Variants in MTSS2 observed in about 807,000 individuals in gnomAD.
MTSS2 encodes protein MTSS 2.
MTSS2 carries 27 observed loss-of-function variants against 67.1 expected under a neutral mutation model. The ratio of observed to expected loss-of-function variants is 0.40; its 90% CI spans 0.30 to 0.55. The LOEUF (loss-of-function observed/expected upper bound fraction) is 0.55, where lower values mean the gene tolerates loss of function less well. MTSS2 is among the 20% of genes least tolerant of loss of function. The probability of loss-of-function intolerance (pLI) is 0.43; values close to 1 mark genes in which losing one functional copy is unlikely to be tolerated. For synonymous variants in MTSS2, 624 were observed against 468.6 expected, an observed-to-expected ratio of 1.33 and a Z score of -4.28; for missense variants, 1,171 against 1,067.8, an observed-to-expected ratio of 1.10 and a Z score of -1.35.
intron 1 of MTSS2, among the ~76,000 whole-genome samples, chr16:70,685,344 G>A (rs1349551847): frequency 6.6e-6 from 1 of 152,190 alleles, no homozygotes; most frequent in Non-Finnish European, 1.5e-5. Flanking sequence ...GGGGCCGTGG[G>A]GGAACATGGT....
chr16:70,682,139 G>C (rs1019183941), intron 1 of MTSS2, among the ~76,000 whole-genome samples: 3 of 152,174 alleles, frequency 2.0e-5, no homozygotes, highest in Non-Finnish European at 4.4e-5. Flanking sequence ...GGGCGGCTTA[G>C]GGGGCCTCAG....
rs184191788 is a variant in MTSS2 at position 70,682,132 on chromosome 16, C to G, written c.70-1107G>C. On this transcript the variant is annotated intron_variant, in intron 1 of 14. Coordinates refer to ENST00000338779, the MANE Select transcript of MTSS2 (RefSeq NM_138383.3). Reference sequence around the variant, plus strand: ...TTGCAGGGGTGGGAAGGAGACAGGGCGGCTTAGGGGGCCTCAGAATCTCCC... The same window carrying G: ...TTGCAGGGGTGGGAAGGAGACAGGGGGGCTTAGGGGGCCTCAGAATCTCCC... 5.1e-3 allele frequency among the ~76,000 whole-genome samples: 775 copies of G among 152,302 alleles called. 10 individuals carry two copies. Among genetic ancestry groups the G allele is most frequent in the African/African-American group, 0.018 (736 of 41,582 alleles).
At chr16:70,674,873 G>A (rs2053064634) in intron 10 of MTSS2, among the ~76,000 whole-genome samples, 2 of 152,192 alleles carry the variant, frequency 1.3e-5, no homozygotes, top group South Asian at 4.1e-4. Context: ...AGAACTTTGG[G>A]AGACCAAGGC....
intron 11 of MTSS2, among the ~76,000 whole-genome samples, chr16:70,666,294 G>A (rs917817907): frequency 2.0e-5 from 3 of 152,176 alleles, no homozygotes; most frequent in Non-Finnish European, 4.4e-5. Flanking sequence ...AGAAGGGGGT[G>A]GGGGAAGGCT....
rs2052601329 is a variant in MTSS2 at position 70,664,118 on chromosome 16, G to T, written c.1803C>A (p.Ser601=). 1.2e-6 allele frequency: 2 copies of T among 1,611,620 alleles called. No individual in the cohort carries two copies. Among genetic ancestry groups the T allele is most frequent in the Non-Finnish European group, 1.7e-6 (2 of 1,179,730 alleles). Residue 601 remains serine (S), a synonymous_variant, in exon 15 of 15, where the codon TCC becomes TCA. Transcript: ENST00000338779. The stretch of plus-strand genomic sequence containing the variant: ...CCCGTGTGGGCCCCATGTAGCCGGG[G>T]GAGTCAGGCACCGTGGGCGTCTTCA... ...VPVKTPTVPD[S]PGYMGPTRAG...
At position 70,685,800 on chromosome 16, in the gene MTSS2, TG is replaced by T. The variant is rs779980189; in HGVS notation, c.-10del. The T allele has an allele frequency of 7.8e-7, 1 of 1,288,908 alleles. No homozygotes were observed. Among genetic ancestry groups the T allele is most frequent in the Non-Finnish European group, 1.0e-6 (1 of 997,022 alleles). The allele number at this position is 1,288,908 out of a possible 1,614,324, so 79.8% of individuals were successfully genotyped here. On this transcript the variant is annotated 5_prime_UTR_variant, in exon 1 of 15. Transcript: ENST00000338779. ...TTCTCCGCCGTCTCCATGCTCTGGC[TG>T]GGCCGGGCCGCGGCGGCGGCTAGGC...
intron 13 of MTSS2, 48 bp downstream of exon 13, chr16:70,664,872 G>C (rs917380820): frequency 6.6e-7 from 1 of 1,514,484 alleles, no homozygotes; most frequent in African/African-American, 1.4e-5. Flanking sequence ...CACTGGCTGG[G>C]CCTCCTGGGA....
intron 1 of MTSS2, among the ~76,000 whole-genome samples, 154 bp downstream of exon 1, chr16:70,685,569 C>A (rs963949848): frequency 6.6e-6 from 1 of 152,120 alleles, no homozygotes; most frequent in Non-Finnish European, 1.5e-5. Context: ...CCCGGAGACA[C>A]GGGCGCCCAG....
intron 8 of MTSS2, 66 bp from the exon 9 acceptor site, chr16:70,677,965 G>T: frequency 7.5e-7 from 1 of 1,334,742 alleles, no homozygotes; most frequent in Non-Finnish European, 1.0e-6. Flanking sequence ...CAGCGCCCCT[G>T]GAGAAGCAGC....
chr16:70,661,431 G>T lies in MTSS2; in HGVS notation c.*2246C>A. On this transcript the variant is annotated 3_prime_UTR_variant, in exon 15 of 15. Transcript: ENST00000338779. ...ACCAGGAGGGCTGCCTGGGGTGGGG[G>T]AATAAATTAAAAAAAGGAACGAGTT... 2 of 334,108 alleles carry T rather than the reference G, an allele frequency of 6.0e-6. No homozygotes were observed. Among genetic ancestry groups the T allele is most frequent in the Admixed American group, 3.8e-5 (1 of 25,992 alleles). The allele number at this position is 334,108 out of a possible 1,614,324, so 20.7% of individuals were successfully genotyped here. A position where few individuals can be genotyped will look rare whatever the true frequency, so the allele number is the denominator to read the frequency against.
At chr16:70,665,635 G>A (rs2052686013) in intron 11 of MTSS2, 95 bp from the exon 12 acceptor site, 9 of 1,081,928 alleles carry the variant, frequency 8.3e-6, no homozygotes, top group Admixed American at 2.2e-5. Flanking sequence ...GAGCTGGCAT[G>A]CAGGGGGGCG....
In MTSS2 at chr16:70,679,610, G is replaced by A; in HGVS notation, c.457+20C>T. The stretch of plus-strand genomic sequence containing the variant: ...AGCGGGGCCGTGGGGCTGTGGCTGG[G>A]GGGCCGCGCCAGGCACTACCTTTGC... On this transcript the variant is annotated intron_variant, in intron 6 of 14. Coordinates refer to ENST00000338779, the MANE Select transcript of MTSS2 (RefSeq NM_138383.3). 3 of 1,583,676 alleles carry A rather than the reference G, an allele frequency of 1.9e-6. No homozygotes were observed. The highest frequency in any genetic ancestry group is 2.6e-6 in the Non-Finnish European group (3 of 1,164,584).
At chr16:70,673,474 A>G (rs1203189041) in intron 11 of MTSS2, among the ~76,000 whole-genome samples, 1 of 152,242 alleles carries the variant, frequency 6.6e-6, no homozygotes, top group Non-Finnish European at 1.5e-5. Context: ...CGAACTTTCA[A>G]GAAGAGGACA....
intron 3 of MTSS2, 151 bp downstream of exon 3, chr16:70,680,643 C>T: frequency 1.5e-6 from 1 of 674,264 alleles, no homozygotes; most frequent in South Asian, 1.9e-5. Context: ...GGGGCTCACT[C>T]TCTCCACAAC....
chr16:70,679,354 G>C, intron 6 of MTSS2, 31 bp from the exon 7 acceptor site: 2 of 1,613,554 alleles, frequency 1.2e-6, no homozygotes, highest in Non-Finnish European at 1.7e-6. Context: ...GAGAGGAGGA[G>C]AGACAGAGAA....
intron 11 of MTSS2, 78 bp downstream of exon 11, chr16:70,674,211 TCTCAACAGCTATAGTAG>T: frequency 9.0e-7 from 1 of 1,113,030 alleles, no homozygotes; most frequent in Non-Finnish European, 1.3e-6. Flanking sequence ...GCTATAGTAG[TCTCAACAGCTATAGTAG>T]TCCCGCATGT....
At chr16:70,681,945 G>T (rs1009131134) in intron 1 of MTSS2, among the ~76,000 whole-genome samples, 3 of 152,220 alleles carry the variant, frequency 2.0e-5, no homozygotes, top group African/African-American at 7.2e-5. Flanking sequence ...GCCCACAGGG[G>T]CTTCTGACCC....
Position 70,679,822 on chromosome 16 carries a change from T to C in MTSS2, c.346A>G (p.Lys116Glu). 6.2e-7 allele frequency: 1 copy of C among 1,609,092 alleles called. No homozygotes were observed. Among genetic ancestry groups the C allele is most frequent in the Non-Finnish European group, 8.5e-7 (1 of 1,179,656 alleles). ...PLQERIEDWK[K>E]AANQLDKDHA... is the part of the protein sequence containing the mutation. ...TCCTTGTCCAGCTGGTTGGCCGCCTTCTTCCAGTCCTCGATGCGCTCCTGC... is the reference window on the plus strand; with the variant it reads ...TCCTTGTCCAGCTGGTTGGCCGCCTCCTTCCAGTCCTCGATGCGCTCCTGC... Residue 116 changes from lysine to glutamate, a missense_variant, in exon 5 of 15, where the codon AAG becomes GAG. Physicochemically the swap from Lys to Glu is moderately conservative, Grantham distance 56. Transcript: ENST00000338779.
Position 70,680,908 on chromosome 16 carries a change from C to CCG in MTSS2, c.132-42_132-41insCG, listed in dbSNP as rs1555511265. On this transcript the variant is annotated intron_variant, in intron 2 of 14. Transcript: ENST00000338779. ...ACGGCATGGATGGTCGGTGGTTGGG[C>CCG]GGGGGGGGGGCCTCTGCCTGCCCCT... 9.2e-5 allele frequency: 109 copies of CCG among 1,178,812 alleles called. 1 individual carries two copies. Among genetic ancestry groups the CCG allele is most frequent in the Admixed American group, 9.7e-5 (4 of 41,428 alleles). 73.0% of individuals were successfully genotyped at this position (1,178,812 alleles called of 1,614,324 possible).
Sources: gnomAD v4.1 joint callset for allele counts (sites outside exome capture counted in the v4.1 genomes callset) on GRCh38, gnomAD v4.1.1 for gene constraint, MANE v1.5 for transcripts, NCBI Gene and HGNC (gene_info 2026-07-23, HGNC 2026-07-21) for gene names.